Variants in RBPJ observed in about 807,000 individuals in gnomAD.
RBPJ encodes the protein recombining binding protein suppressor of hairless.
Under a neutral mutation model 67.8 loss-of-function variants are expected in RBPJ, and 9 were observed. That is an observed-to-expected ratio of 0.13 (90% CI 0.08 to 0.23). The LOEUF is 0.23. Among genes scored for constraint, RBPJ ranks in the 10% least tolerant of loss-of-function variants. RBPJ has a pLI of 1.00. For missense variants in RBPJ, 305 were observed against 595.6 expected, an observed-to-expected ratio of 0.51 and a Z score of 5.08; for synonymous variants, 198 against 203.3, an observed-to-expected ratio of 0.97 and a Z score of 0.22.
chr4:26,406,425 CAA>C (rs1733418259), intron 3 of RBPJ, among the ~76,000 whole-genome samples, 155 bp downstream of exon 3: 1 of 152,072 alleles, frequency 6.6e-6, no homozygotes, highest in Admixed American at 6.6e-5. Flanking sequence ...AGGGGAGAAA[CAA>C]AGTGAATTGT....
chr4:26,390,009 G>T (rs1312781615), intron 2 of RBPJ, among the ~76,000 whole-genome samples: 1 of 152,172 alleles, frequency 6.6e-6, no homozygotes, highest in Non-Finnish European at 1.5e-5. Context: ...TTACTGTCCA[G>T]TATCCCTTGT....
At chr4:26,125,894 G>A in the RBPJ span, among the ~76,000 whole-genome samples, 1 of 152,096 alleles carries the variant, frequency 6.6e-6, no homozygotes, top group Non-Finnish European at 1.5e-5. Context: ...TAAGAACAAT[G>A]CAGCTGGAGA....
intron 1 of RBPJ, among the ~76,000 whole-genome samples, chr4:26,312,356 C>T (rs763141759): frequency 3.9e-5 from 6 of 152,270 alleles, no homozygotes; most frequent in African/African-American, 1.2e-4. Flanking sequence ...TGGTCTCGAT[C>T]TCCTGACCTC....
At chr4:26,359,413 A>ATT (rs56112785) in intron 1 of RBPJ, among the ~76,000 whole-genome samples, 60,264 of 128,828 alleles carry the variant, frequency 0.47, 14,975 homozygotes, top group Admixed American at 0.58. Flanking sequence ...TAACACCTTC[A>ATT]TTTTTTTTTT....
intron 3 of RBPJ, among the ~76,000 whole-genome samples, chr4:26,407,065 A>G (rs1733492118): frequency 6.6e-6 from 1 of 152,260 alleles, no homozygotes; most frequent in Non-Finnish European, 1.5e-5. Context: ...TACAAAATGA[A>G]ATAATCCACA....
intron 2 of RBPJ, among the ~76,000 whole-genome samples, chr4:26,397,406 T>C (rs1332936156): frequency 6.6e-6 from 1 of 152,138 alleles, no homozygotes; most frequent in East Asian, 1.9e-4. Flanking sequence ...AAGTCAAGTT[T>C]TGAGGAAGAA....
chr4:26,338,944 T>A (rs1319727600), intron 1 of RBPJ, among the ~76,000 whole-genome samples: 2 of 151,948 alleles, frequency 1.3e-5, no homozygotes, highest in East Asian at 3.9e-4. Flanking sequence ...CTCAACCTCC[T>A]GAGTAGTTGG....
intron 1 of RBPJ, among the ~76,000 whole-genome samples, chr4:26,356,771 G>A (rs760483977): frequency 1.3e-5 from 2 of 152,108 alleles, no homozygotes; most frequent in African/African-American, 2.4e-5. Context: ...GAATATCTTC[G>A]TGTCCTGTAT....
intron 1 of RBPJ, among the ~76,000 whole-genome samples, chr4:26,250,189 T>C (rs1577357639): frequency 6.6e-6 from 1 of 152,300 alleles, no homozygotes; most frequent in East Asian, 1.9e-4. Context: ...TTCTACTTTC[T>C]GCCCCTATGA....
chr4:26,358,376 T>G (rs1227557086), intron 1 of RBPJ, among the ~76,000 whole-genome samples: 1 of 152,080 alleles, frequency 6.6e-6, no homozygotes, highest in Non-Finnish European at 1.5e-5. Flanking sequence ...GGCACAAAAT[T>G]ACGTGCACTT....
At chr4:26,198,560 C>T (rs1717868559) in intron 1 of RBPJ, among the ~76,000 whole-genome samples, 1 of 152,174 alleles carries the variant, frequency 6.6e-6, no homozygotes, top group African/African-American at 2.4e-5. Flanking sequence ...GTGCCAGACC[C>T]TGTTCTATTT....
chr4:26,136,471 T>C, the RBPJ span, among the ~76,000 whole-genome samples: 5 of 152,128 alleles, frequency 3.3e-5, no homozygotes, highest in African/African-American at 1.2e-4. Flanking sequence ...CAATGCCTCC[T>C]TGAATGACCC....
the RBPJ span, among the ~76,000 whole-genome samples, chr4:26,126,400 C>T: frequency 2.2e-4 from 34 of 152,324 alleles, 2 homozygotes; most frequent in African/African-American, 7.7e-4. Context: ...GGTAGCCTGT[C>T]TCCCACTACA....
intron 1 of RBPJ, among the ~76,000 whole-genome samples, chr4:26,352,049 A>T (rs1051585359): frequency 6.6e-6 from 1 of 152,200 alleles, no homozygotes; most frequent in Non-Finnish European, 1.5e-5. Flanking sequence ...ATTGTTTTCA[A>T]TTCAGAGTAG....
chr4:26,411,365 C>CT lies in RBPJ; in HGVS notation c.156-4100dup, dbSNP rs369163154. On this transcript the variant is annotated intron_variant, in intron 3 of 10. Transcript: ENST00000355476. The stretch of plus-strand genomic sequence containing the variant: ...TAGTTTCTTTTGCGTGTATTCTTGC[C>CT]TTTTTTTTTTGTATATATGCTGACT... 5.4e-3 allele frequency among the ~76,000 whole-genome samples: 780 copies of CT among 144,998 alleles called. 5 individuals carry two copies. The highest frequency in any genetic ancestry group is 0.016 in the East Asian group (80 of 5,012).
chr4:26,328,928 A>G (rs1489649825), intron 1 of RBPJ, among the ~76,000 whole-genome samples: 2 of 152,152 alleles, frequency 1.3e-5, no homozygotes, highest in Non-Finnish European at 2.9e-5. Context: ...GTGATTATGG[A>G]TGGCCTAAGG....
chr4:26,403,584 C>G (rs971413734), intron 2 of RBPJ, among the ~76,000 whole-genome samples: 2 of 152,100 alleles, frequency 1.3e-5, no homozygotes, highest in African/African-American at 4.8e-5. Context: ...CCTTCTTTGT[C>G]TTCATAAGTT....
At chr4:26,362,477 G>C (rs1418511301) in intron 1 of RBPJ, 2 of 1,466,158 alleles carry the variant, frequency 1.4e-6, no homozygotes, top group Non-Finnish European at 1.8e-6. Flanking sequence ...CATTCAAATG[G>C]AAGCATTATA....
the RBPJ span, chr4:26,113,324 G>A: frequency 7.9e-6 from 4 of 506,298 alleles, no homozygotes; most frequent in Admixed American, 2.2e-5. Flanking sequence ...ATAAACCTAC[G>A]AATGTGGTGA....
Sources: gnomAD v4.1 joint callset for allele counts (sites outside exome capture counted in the v4.1 genomes callset) on GRCh38, gnomAD v4.1.1 for gene constraint, MANE v1.5 for transcripts, NCBI Gene and HGNC (gene_info 2026-07-23, HGNC 2026-07-21) for gene names.